Variants in PPARGC1B observed in about 807,000 individuals in gnomAD.
The protein encoded by PPARGC1B is PPARG coactivator 1 beta, also known as peroxisome proliferator-activated receptor gamma coactivator 1-beta.
A neutral mutation model predicts 101.6 loss-of-function variants in PPARGC1B; 34 were observed. That is an observed-to-expected ratio of 0.33 (90% CI 0.25 to 0.45). The LOEUF is 0.45. PPARGC1B is among the 20% of genes least tolerant of loss of function. The probability of loss-of-function intolerance (pLI) is 1.00; values close to 1 mark genes in which losing one functional copy is unlikely to be tolerated. For missense variants in PPARGC1B, 1,234 were observed against 1,317.6 expected (o/e 0.94, Z 0.98); for synonymous variants, 548 against 539.3 (o/e 1.02, Z -0.22).
Position 149,847,485 on chromosome 5 carries a change from C to T in PPARGC1B, c.2999C>T (p.Ala1000Val), listed in dbSNP as rs145540291. The T allele has an allele frequency of 8.1e-6, 13 of 1,613,840 alleles. No individual in the cohort carries two copies. In the African/African-American group the frequency reaches 1.1e-4, roughly 13 times the overall value. Residue 1000 changes from alanine to valine, a missense_variant, in exon 12 of 12, where the codon GCG (alanine) becomes GTG (valine). Ala to Val is a moderately conservative substitution (Grantham distance 64). Coordinates refer to ENST00000309241, the MANE Select transcript of PPARGC1B (RefSeq NM_133263.4). Reference sequence around the variant, plus strand: ...TCCAATTCAGAAGAGGCCCTTCCTGCGTCAGGGAAAAGCAAGTATGAAGCC... The same window carrying T: ...TCCAATTCAGAAGAGGCCCTTCCTGTGTCAGGGAAAAGCAAGTATGAAGCC... ...YDSNSEEALPASGKSKYEAMD... is the reference protein window; with the variant it reads ...YDSNSEEALPVSGKSKYEAMD...
chr5:149,803,007 C>T (rs1179020860), intron 1 of PPARGC1B, among the ~76,000 whole-genome samples: 1 of 152,182 alleles, frequency 6.6e-6, no homozygotes, highest in Non-Finnish European at 1.5e-5. Context: ...CACACCACCT[C>T]CACCCCCTCC....
chr5:149,838,662 G>A (rs1457176289), intron 8 of PPARGC1B, among the ~76,000 whole-genome samples: 2 of 152,302 alleles, frequency 1.3e-5, no homozygotes, highest in East Asian at 3.9e-4. Flanking sequence ...AATTGCCTGG[G>A]AAGAGTCGAG....
At chr5:149,785,600 G>GCTTGGC (rs1405204742) in intron 1 of PPARGC1B, among the ~76,000 whole-genome samples, 2 of 152,166 alleles carry the variant, frequency 1.3e-5, no homozygotes, top group Non-Finnish European at 2.9e-5. Context: ...CCTGCTGTGC[G>GCTTGGC]CTTGGCCTTG....
chr5:149,797,898 C>A (rs1239692407), intron 1 of PPARGC1B, among the ~76,000 whole-genome samples: 1 of 152,064 alleles, frequency 6.6e-6, no homozygotes, highest in Non-Finnish European at 1.5e-5. Flanking sequence ...CCAGCCTGGG[C>A]GACAGAGCAA....
chr5:149,733,168 C>G (rs145444769), intron 1 of PPARGC1B, among the ~76,000 whole-genome samples: 1 of 152,290 alleles, frequency 6.6e-6, no homozygotes, highest in Non-Finnish European at 1.5e-5. Flanking sequence ...TTGTCTTTGT[C>G]CCAAAAGATT....
intron 1 of PPARGC1B, among the ~76,000 whole-genome samples, chr5:149,800,331 A>C (rs17110429): frequency 0.033 from 5,101 of 152,294 alleles, 259 homozygotes; most frequent in African/African-American, 0.11. Flanking sequence ...CAGTGGTGCG[A>C]AAACATTGGT....
At chr5:149,839,937 A>T in intron 8 of PPARGC1B, 104 bp from the exon 9 acceptor site, 1 of 1,198,024 alleles carries the variant, frequency 8.3e-7, no homozygotes, top group South Asian at 1.2e-5. Flanking sequence ...TGCCCTCGTG[A>T]ACAAATCCTA....
At chr5:149,777,785 A>ACACACACG (rs2113210306) in intron 1 of PPARGC1B, among the ~76,000 whole-genome samples, 2 of 13,430 alleles carry the variant, frequency 1.5e-4, no homozygotes, top group East Asian at 9.1e-3. Context: ...TGTCTTTGTA[A>ACACACACG]CACACACACA....
At chr5:149,822,772 C>T (rs1409022801) in intron 2 of PPARGC1B, among the ~76,000 whole-genome samples, 2 of 152,204 alleles carry the variant, frequency 1.3e-5, no homozygotes, top group African/African-American at 2.4e-5. Flanking sequence ...TCTGGGGGCC[C>T]TTGCACATTG....
intron 2 of PPARGC1B, 82 bp downstream of exon 2, chr5:149,820,688 TCTC>T (rs1758258844): frequency 3.0e-6 from 4 of 1,351,204 alleles, no homozygotes; most frequent in Middle Eastern, 2.6e-4. Context: ...TGCTCTGCCT[TCTC>T]CTGCACTTGC....
rs937936581 is a variant in PPARGC1B at position 149,842,178 on chromosome 5, C to T, written c.2695-78C>T. On this transcript the variant is annotated intron_variant, in intron 9 of 11. Coordinates refer to ENST00000309241, the MANE Select transcript of PPARGC1B (RefSeq NM_133263.4). Reference sequence around the variant, plus strand: ...GGCATCATGGACTAGGACAAGGACTCCACGGGAGCCCACTCCCAGAGGGGC... The same window carrying T: ...GGCATCATGGACTAGGACAAGGACTTCACGGGAGCCCACTCCCAGAGGGGC... 3.8e-6 allele frequency: 6 copies of T among 1,572,938 alleles called. No homozygotes were observed. The Admixed American group carries it at 1.0e-4, about 27-fold the overall frequency.
intron 1 of PPARGC1B, among the ~76,000 whole-genome samples, chr5:149,745,843 A>G (rs72830210): frequency 2.0e-5 from 3 of 152,198 alleles, no homozygotes; most frequent in Non-Finnish European, 4.4e-5. Flanking sequence ...TCCCACACCC[A>G]CTTATGGGTC....
At chr5:149,815,239 C>T (rs2113339377) in intron 1 of PPARGC1B, among the ~76,000 whole-genome samples, 1 of 152,246 alleles carries the variant, frequency 6.6e-6, no homozygotes, top group East Asian at 1.9e-4. Flanking sequence ...AGAATGTGAC[C>T]TCCTTGGAGC....
At chr5:149,844,269 GAGAA>G (rs1300088392) in intron 10 of PPARGC1B, among the ~76,000 whole-genome samples, 2 of 152,174 alleles carry the variant, frequency 1.3e-5, no homozygotes, top group Non-Finnish European at 2.9e-5. Flanking sequence ...AATCTCTAAA[GAGAA>G]AGATCAGTCT....
At chr5:149,838,982 G>A (rs1277575562) in intron 8 of PPARGC1B, among the ~76,000 whole-genome samples, 1 of 152,116 alleles carries the variant, frequency 6.6e-6, no homozygotes, top group East Asian at 1.9e-4. Flanking sequence ...GTTGCAAAAG[G>A]GATGATAATA....
intron 1 of PPARGC1B, among the ~76,000 whole-genome samples, chr5:149,735,268 T>C (rs1754659536): frequency 5.3e-5 from 8 of 152,146 alleles, no homozygotes; most frequent in Admixed American, 5.2e-4. Context: ...GGAAGGGCAA[T>C]GGCCCAGCAG....
At chr5:149,830,048 A>C (rs1347647250) in intron 3 of PPARGC1B, among the ~76,000 whole-genome samples, 1 of 120,600 alleles carries the variant, frequency 8.3e-6, no homozygotes, top group Non-Finnish European at 1.7e-5. Context: ...AAAAAAAAAA[A>C]AAAAAAGAAA....
intron 1 of PPARGC1B, among the ~76,000 whole-genome samples, chr5:149,756,084 A>G (rs956925278): frequency 1.3e-5 from 2 of 152,204 alleles, no homozygotes; most frequent in Admixed American, 6.5e-5. Context: ...TAGGAGTCCC[A>G]TCTATACAGG....
chr5:149,734,401 G>GTTT (rs887993992), intron 1 of PPARGC1B, among the ~76,000 whole-genome samples: 1 of 130,738 alleles, frequency 7.6e-6, no homozygotes, highest in East Asian at 2.2e-4. Flanking sequence ...TCTGTAACTT[G>GTTT]TTTTTTTTTT....
Sources: allele counts gnomAD v4.1 joint callset (sites outside exome capture counted in the v4.1 genomes callset), GRCh38; gene constraint gnomAD v4.1.1; transcripts MANE v1.5; gene names NCBI Gene and HGNC (gene_info 2026-07-23, HGNC 2026-07-21).